Variants in KIRREL3 observed in about 807,000 individuals in gnomAD.
KIRREL3 encodes kirre like nephrin family adhesion molecule 3, also known as kin of IRRE-like protein 3.
A neutral mutation model predicts 89.7 loss-of-function variants in KIRREL3; 36 were observed. The ratio of observed to expected loss-of-function variants is 0.40; its 90% CI spans 0.31 to 0.53. KIRREL3 has a LOEUF of 0.53. Among genes scored for constraint, KIRREL3 ranks in the 20% least tolerant of loss-of-function variants. KIRREL3 has a pLI of 0.49. For synonymous variants in KIRREL3, 445 were observed against 441.4 expected, an observed-to-expected ratio of 1.01 and a Z score of -0.10; for missense variants, 864 against 1,056.6, an observed-to-expected ratio of 0.82 and a Z score of 2.53.
chr11:126,517,185 G>A (rs1322447432), intron 4 of KIRREL3, among the ~76,000 whole-genome samples: 1 of 123,626 alleles, frequency 8.1e-6, no homozygotes, highest in Non-Finnish European at 1.8e-5. Context: ...AGTGTTTAAT[G>A]TTTACAACAA....
chr11:126,923,467 A>G (rs1190478921), intron 1 of KIRREL3, among the ~76,000 whole-genome samples: 1 of 119,268 alleles, frequency 8.4e-6, no homozygotes, highest in Non-Finnish European at 1.6e-5. Flanking sequence ...TTTTTGAGAC[A>G]GAGTCTCGCA....
chr11:126,868,213 A>T (rs1944986057), intron 1 of KIRREL3, among the ~76,000 whole-genome samples: 1 of 152,158 alleles, frequency 6.6e-6, no homozygotes, highest in Admixed American at 6.5e-5. Context: ...GAGAAGGAAA[A>T]ACATTCCTGT....
Position 126,459,873 on chromosome 11 carries a change from G to C in KIRREL3, c.742+3284C>G, listed in dbSNP as rs1202010517. Reference sequence around the variant, plus strand: ...AGTCCAGATGTGGTGAGGCTTTGGGGGTGTTAAGCTTTCTCTCCCATTACT... The same window carrying C: ...AGTCCAGATGTGGTGAGGCTTTGGGCGTGTTAAGCTTTCTCTCCCATTACT... On this transcript the variant is annotated intron_variant, in intron 6 of 16. Coordinates refer to ENST00000525144, the MANE Select transcript of KIRREL3 (RefSeq NM_032531.4). This position sits in a 1 kb window ranked among gnomAD's most constrained non-coding sequence, Gnocchi z 4.8. 1.3e-5 allele frequency among the ~76,000 whole-genome samples: 2 copies of C among 152,170 alleles called. No homozygotes were observed. Among genetic ancestry groups the C allele is most frequent in the African/African-American group, 4.8e-5 (2 of 41,428 alleles).
rs78683557 is a variant in KIRREL3 at position 126,530,022 on chromosome 11, C to T, written c.134-3335G>A. ...GGCCTCTCCTTTGGGCTCAAGAGCCCCTCAGAGCACAGCTTTTGAGCCATG... is the reference window on the plus strand; with the variant it reads ...GGCCTCTCCTTTGGGCTCAAGAGCCTCTCAGAGCACAGCTTTTGAGCCATG... On this transcript the variant is annotated intron_variant, in intron 2 of 16. Transcript: ENST00000525144. This position sits in a 1 kb window ranked among gnomAD's most constrained non-coding sequence, Gnocchi z 5.8. Among the ~76,000 whole-genome samples, 2,037 of 151,922 alleles carry T rather than the reference C, an allele frequency of 0.013. 35 individuals carry two copies. Among genetic ancestry groups the T allele is most frequent in the African/African-American group, 0.044 (1,813 of 41,402 alleles).
intron 1 of KIRREL3, among the ~76,000 whole-genome samples, chr11:126,822,005 G>T (rs1943242938): frequency 6.6e-6 from 1 of 152,186 alleles, no homozygotes; most frequent in Admixed American, 6.5e-5. Flanking sequence ...GTTAATTAGT[G>T]TTGTTGTGAG....
chr11:126,882,888 G>C (rs1274303589), intron 1 of KIRREL3, among the ~76,000 whole-genome samples: 1 of 152,196 alleles, frequency 6.6e-6, no homozygotes, highest in African/African-American at 2.4e-5. Flanking sequence ...TGGGTTCAGA[G>C]ACCCTCACCT....
chr11:127,002,023 CTCTT>C (rs1320639968), upstream of KIRREL3, among the ~76,000 whole-genome samples: 4 of 152,170 alleles, frequency 2.6e-5, no homozygotes, highest in Admixed American at 6.5e-5. Flanking sequence ...TTTTGGGAAA[CTCTT>C]AGCCTTTCCT....
intron 7 of KIRREL3, among the ~76,000 whole-genome samples, chr11:126,449,728 C>A: frequency 6.6e-6 from 1 of 152,234 alleles, no homozygotes; most frequent in East Asian, 1.9e-4. Context: ...TAATACCCAT[C>A]AGGAGGAGTG....
chr11:126,901,676 T>C (rs1300147678), intron 1 of KIRREL3, among the ~76,000 whole-genome samples: 3 of 152,222 alleles, frequency 2.0e-5, no homozygotes, highest in Non-Finnish European at 4.4e-5. Flanking sequence ...ATATATGATG[T>C]CCACATACAG....
Position 126,989,828 on chromosome 11 carries a change from G to A in KIRREL3, c.55+10627C>T, listed in dbSNP as rs1949973224. On this transcript the variant is annotated intron_variant, in intron 1 of 16. Coordinates refer to ENST00000525144, the MANE Select transcript of KIRREL3 (RefSeq NM_032531.4). The surrounding 1 kb of genome is among the most constrained non-coding windows in gnomAD (Gnocchi z 6.2). ...AGGATCCAGTTATCTTGCCTGGAAG[G>A]ATGTTCAAACAGCCATGGCCCGTGG... 6.6e-6 allele frequency among the ~76,000 whole-genome samples: 1 copy of A among 152,222 alleles called. No homozygotes were observed. Among genetic ancestry groups the A allele is most frequent in the African/African-American group, 2.4e-5 (1 of 41,458 alleles).
In KIRREL3 at chr11:126,558,102, G is replaced by A. The variant is rs1250357677; in HGVS notation, c.133+4733C>T. On this transcript the variant is annotated intron_variant, in intron 2 of 16. Transcript: ENST00000525144. The surrounding 1 kb of genome is among the most constrained non-coding windows in gnomAD (Gnocchi z 4.0). ...CCACCCTGATGGGCAGCCCAAGAAG[G>A]CACCAGTGTGAGGGAGGAGTACCCT... Among the ~76,000 whole-genome samples, 1 of 152,176 alleles carries A rather than the reference G, an allele frequency of 6.6e-6. No individual in the cohort carries two copies. Among genetic ancestry groups the A allele is most frequent in the East Asian group, 1.9e-4 (1 of 5,178 alleles).
chr11:126,429,137 A>C lies in KIRREL3; in HGVS notation c.1806+42T>G, dbSNP rs1955039968. Reference sequence around the variant, plus strand: ...GCCTCTAGTCCCAGGACCTTCTGGGAATGGAGTCACGGGATGGGATGGGGC... The same window carrying C: ...GCCTCTAGTCCCAGGACCTTCTGGGCATGGAGTCACGGGATGGGATGGGGC... On this transcript the variant is annotated intron_variant, in intron 15 of 16. Transcript: ENST00000525144. The surrounding 1 kb of genome is among the most constrained non-coding windows in gnomAD (Gnocchi z 5.2). The C allele has an allele frequency of 7.6e-7, 1 of 1,309,768 alleles. No individual in the cohort carries two copies. The highest frequency in any genetic ancestry group is 1.8e-5 in the Admixed American group (1 of 56,660). 81.1% of individuals were successfully genotyped at this position (1,309,768 alleles called of 1,614,324 possible).
chr11:126,998,096 C>A (rs529198736), intron 1 of KIRREL3, among the ~76,000 whole-genome samples: 1 of 152,080 alleles, frequency 6.6e-6, no homozygotes, highest in Non-Finnish European at 1.5e-5. Flanking sequence ...GACATGGATG[C>A]GTTCTATCCA....
intron 1 of KIRREL3, among the ~76,000 whole-genome samples, chr11:126,617,652 T>C (rs1228020311): frequency 6.6e-6 from 1 of 152,174 alleles, no homozygotes; most frequent in Non-Finnish European, 1.5e-5. Context: ...CTACTAGGGA[T>C]TTGACTCTGT....
chr11:126,768,666 A>C lies in KIRREL3; in HGVS notation c.56-205754T>G, dbSNP rs1265076984. Among the ~76,000 whole-genome samples, 1 of 152,130 alleles carries C rather than the reference A, an allele frequency of 6.6e-6. No homozygotes were observed. The highest frequency in any genetic ancestry group is 1.5e-5 in the Non-Finnish European group (1 of 68,036). ...ACCTTTGGGCTAAGACCTGCACAGG[A>C]GAGCCCATCCCTCAAAATGAGAAAG... On this transcript the variant is annotated intron_variant, in intron 1 of 16. Coordinates refer to ENST00000525144, the MANE Select transcript of KIRREL3 (RefSeq NM_032531.4). This position sits in a 1 kb window ranked among gnomAD's most constrained non-coding sequence, Gnocchi z 4.5.
At chr11:126,480,283 T>C (rs1345009609) in intron 4 of KIRREL3, among the ~76,000 whole-genome samples, 1 of 152,190 alleles carries the variant, frequency 6.6e-6, no homozygotes, top group Non-Finnish European at 1.5e-5. Flanking sequence ...CCTTACAATA[T>C]GAAAGATACA....
rs1565406895 is a variant in KIRREL3 at position 126,909,028 on chromosome 11, A to G, written c.55+91427T>C. Reference sequence around the variant, plus strand: ...AAAGTTGTTATGTTAAATTTGTGTTATTTTTTATTGTTGATTTGTATTTTT... The same window carrying G: ...AAAGTTGTTATGTTAAATTTGTGTTGTTTTTTATTGTTGATTTGTATTTTT... On this transcript the variant is annotated intron_variant, in intron 1 of 16. Transcript: ENST00000525144. This position sits in a 1 kb window ranked among gnomAD's most constrained non-coding sequence, Gnocchi z 4.5. Among the ~76,000 whole-genome samples the G allele has an allele frequency of 6.6e-6, 1 of 152,116 alleles. No homozygotes were observed. The highest frequency in any genetic ancestry group is 2.4e-5 in the African/African-American group (1 of 41,444).
intron 1 of KIRREL3, among the ~76,000 whole-genome samples, chr11:126,939,529 C>T (rs1948346531): frequency 6.6e-6 from 1 of 152,168 alleles, no homozygotes; most frequent in African/African-American, 2.4e-5. Context: ...CAGGGACTCT[C>T]CTGGCCACCT....
intron 1 of KIRREL3, among the ~76,000 whole-genome samples, chr11:126,934,000 C>CAAA (rs60806775): frequency 8.2e-5 from 12 of 146,702 alleles, no homozygotes; most frequent in African/African-American, 3.0e-4. Context: ...CTGGAAAAGA[C>CAAA]AAAAAAAAAA....
Sources: allele counts gnomAD v4.1 joint callset (sites outside exome capture counted in the v4.1 genomes callset), GRCh38; gene constraint gnomAD v4.1.1; non-coding constraint Gnocchi (gnomAD v3.1); transcripts MANE v1.5; gene names NCBI Gene and HGNC (gene_info 2026-07-23, HGNC 2026-07-21).